CYFIP2: variants seen among roughly 807,000 people sequenced by gnomAD.
The protein encoded by CYFIP2 is cytoplasmic FMR1 interacting protein 2, also known as cytoplasmic FMR1-interacting protein 2.
A neutral mutation model predicts 158.7 loss-of-function variants in CYFIP2; 29 were observed. That is an observed-to-expected ratio of 0.18 (90% CI 0.14 to 0.25). The LOEUF is 0.25. Ranked by LOEUF, CYFIP2 falls within the 10% of genes least tolerant of loss-of-function variation. CYFIP2 has a pLI of 1.00. For missense variants in CYFIP2, 852 were observed against 1,639.5 expected (o/e 0.52, Z 8.29); for synonymous variants, 585 against 617.6 (o/e 0.95, Z 0.78).
intron 27 of CYFIP2, 75 bp from the exon 28 acceptor site, chr5:157,383,190 C>T: frequency 7.7e-7 from 1 of 1,299,586 alleles, no homozygotes; most frequent in South Asian, 1.2e-5. Flanking sequence ...TCATCAGGTC[C>T]TTTGGGAGTT....
intron 26 of CYFIP2, among the ~76,000 whole-genome samples, chr5:157,369,715 G>A (rs1303597941): frequency 6.6e-6 from 1 of 152,150 alleles, no homozygotes; most frequent in African/African-American, 2.4e-5. Flanking sequence ...CTGCGCTACT[G>A]AGTATTATTC....
chr5:157,317,426 T>C (rs929220555), intron 13 of CYFIP2, among the ~76,000 whole-genome samples: 1 of 152,228 alleles, frequency 6.6e-6, no homozygotes, highest in African/African-American at 2.4e-5. Context: ...CTTGTGGTAT[T>C]TATCTCCCTA....
chr5:157,387,315 C>T (rs1373883245), intron 28 of CYFIP2, among the ~76,000 whole-genome samples: 2 of 152,120 alleles, frequency 1.3e-5, no homozygotes, highest in Non-Finnish European at 2.9e-5. Flanking sequence ...GGAGAAAGCT[C>T]CTGTGTCATT....
At chr5:157,375,956 G>A (rs988522529) in intron 26 of CYFIP2, 1 of 152,188 alleles carries the variant, frequency 6.6e-6, no homozygotes, top group African/African-American at 2.4e-5. Context: ...AGAACTGAAA[G>A]CCTGGCTCCT....
chr5:157,372,057 G>T (rs1765042933), intron 26 of CYFIP2, among the ~76,000 whole-genome samples: 2 of 152,064 alleles, frequency 1.3e-5, no homozygotes. Flanking sequence ...CTCCAAGGAG[G>T]GATCGTTGAA....
intron 26 of CYFIP2, among the ~76,000 whole-genome samples, chr5:157,377,219 G>A (rs111668949): frequency 0.041 from 6,299 of 152,050 alleles, 155 homozygotes; most frequent in South Asian, 0.11. Context: ...TCAGGATAAT[G>A]TCTAGAAATC....
intron 26 of CYFIP2, among the ~76,000 whole-genome samples, chr5:157,374,909 C>A (rs2113464143): frequency 6.6e-6 from 1 of 152,360 alleles, no homozygotes; most frequent in South Asian, 2.1e-4. Flanking sequence ...CGTTGCAAGA[C>A]CAGCCTCTCC....
At chr5:157,330,659 A>G (rs1335657876) in intron 19 of CYFIP2, 83 bp from the exon 20 acceptor site, 7 of 1,043,512 alleles carry the variant, frequency 6.7e-6, no homozygotes, top group African/African-American at 3.1e-5. Context: ...GGTAGATCCT[A>G]TGATCTGAAA....
At position 157,311,033 on chromosome 5, in the gene CYFIP2, C is replaced by A. The variant is rs1477533855; in HGVS notation, c.993-631C>A. ...TTCCTAATGACATCTTTTCACAAGG[C>A]GTGGAAAAAAGGCGGAGGGAAGGAG... On this transcript the variant is annotated intron_variant, in intron 10 of 30. Coordinates refer to ENST00000620254, the MANE Select transcript of CYFIP2 (RefSeq NM_001037333.3). This position sits in a 1 kb window ranked among gnomAD's most constrained non-coding sequence, Gnocchi z 4.7. 1 of 444,394 alleles carries A rather than the reference C, an allele frequency of 2.3e-6. No individual in the cohort carries two copies. The highest frequency in any genetic ancestry group is 1.6e-5 in the South Asian group (1 of 64,340). The allele number at this position is 444,394 out of a possible 1,614,324, so 27.5% of individuals were successfully genotyped here.
chr5:157,300,046 A>G (rs1287238467), intron 5 of CYFIP2, among the ~76,000 whole-genome samples: 1 of 152,186 alleles, frequency 6.6e-6, no homozygotes, highest in Non-Finnish European at 1.5e-5. Flanking sequence ...TTAAATAGCT[A>G]CTGGATGAAT....
At chr5:157,354,294 A>G (rs1410151542) in intron 23 of CYFIP2, among the ~76,000 whole-genome samples, 1 of 152,226 alleles carries the variant, frequency 6.6e-6, no homozygotes, top group East Asian at 1.9e-4. Context: ...GGCAGGATAC[A>G]TAATTAGTTT....
intron 26 of CYFIP2, among the ~76,000 whole-genome samples, chr5:157,369,342 T>G (rs373613978): frequency 5.8e-4 from 88 of 152,088 alleles, no homozygotes; most frequent in African/African-American, 2.0e-3. Context: ...AGATACAAAA[T>G]AGAGTGAAAA....
chr5:157,309,456 C>A (rs1418880310), intron 9 of CYFIP2, among the ~76,000 whole-genome samples: 3 of 152,232 alleles, frequency 2.0e-5, no homozygotes, highest in African/African-American at 7.2e-5. Context: ...TCCATCCAGT[C>A]CTTGGCCTTC....
rs57500401 is a variant in CYFIP2 at position 157,293,010 on chromosome 5, ATATGTATGTATGTATGTATG to A, written c.208-1735_208-1716del. Among the ~76,000 whole-genome samples, 240 of 144,356 alleles carry A rather than the reference ATATGTATGTATGTATGTATG, an allele frequency of 1.7e-3. 1 individual carries two copies. Among genetic ancestry groups the A allele is most frequent in the African/African-American group, 3.1e-3 (116 of 37,418 alleles). The allele number at this position is 144,356 out of a possible 152,430, so 94.7% of individuals were successfully genotyped here. On this transcript the variant is annotated intron_variant, in intron 3 of 30. Coordinates refer to ENST00000620254, the MANE Select transcript of CYFIP2 (RefSeq NM_001037333.3). ...TGATGAAGCTGGGATTTGAGCCCAG[ATATGTATGTATGTATGTATG>A]TATGTATGTATGTATGTATGTATGT... is the stretch of plus-strand genomic sequence containing the variant.
chr5:157,342,892 T>C (rs779437169), intron 23 of CYFIP2: 2 of 1,613,646 alleles, frequency 1.2e-6, no homozygotes, highest in Admixed American at 1.7e-5. Flanking sequence ...GTATAGCGGG[T>C]GGGTCACCAC....
chr5:157,361,388 G>A lies in CYFIP2; in HGVS notation c.2909-80G>A. The A allele has an allele frequency of 1.9e-6, 3 of 1,591,826 alleles. No individual in the cohort carries two copies. ...TTGCTATCCCAGAGTCAGGTCTGGG[G>A]CTGCCACTCAGTCATTGTTTCCCAT... On this transcript the variant is annotated intron_variant, in intron 25 of 30. Transcript: ENST00000620254. This position sits in a 1 kb window ranked among gnomAD's most constrained non-coding sequence, Gnocchi z 4.4.
chr5:157,326,623 C>G (rs1028548231), intron 18 of CYFIP2, among the ~76,000 whole-genome samples: 1 of 152,208 alleles, frequency 6.6e-6, no homozygotes, highest in Non-Finnish European at 1.5e-5. Context: ...TGGAGTCCAC[C>G]CTCAGAGGGG....
At chr5:157,301,409 TG>T (rs1372083433) in intron 6 of CYFIP2, among the ~76,000 whole-genome samples, 2 of 152,208 alleles carry the variant, frequency 1.3e-5, no homozygotes, top group Non-Finnish European at 2.9e-5. Context: ...AGGTCTGTGG[TG>T]GCTTCCAGCA....
At chr5:157,313,708 T>C (rs1033470781) in intron 11 of CYFIP2, among the ~76,000 whole-genome samples, 5 of 152,240 alleles carry the variant, frequency 3.3e-5, no homozygotes, top group African/African-American at 4.8e-5. Flanking sequence ...TGGCTGTATA[T>C]GTATATATGT....
Sources: allele counts gnomAD v4.1 joint callset (sites outside exome capture counted in the v4.1 genomes callset), GRCh38; gene constraint gnomAD v4.1.1; non-coding constraint Gnocchi (gnomAD v3.1); transcripts MANE v1.5; gene names NCBI Gene and HGNC (gene_info 2026-07-23, HGNC 2026-07-21).